Variants in CSMD1 observed in about 807,000 individuals in gnomAD.
The protein encoded by CSMD1 is CUB and sushi domain-containing protein 1.
In CSMD1, 213 loss-of-function variants were observed where a neutral mutation model predicts 417.5. The ratio of observed to expected loss-of-function variants is 0.51; its 90% CI spans 0.46 to 0.57. The LOEUF is 0.57. CSMD1 is among the 20% of genes least tolerant of loss of function. CSMD1 has a pLI of 0.00. For missense variants in CSMD1, 6,923 were observed against 4,529.7 expected (o/e 1.53, Z -15.17); for synonymous variants, 2,862 against 1,736.8 (o/e 1.65, Z -16.11).
chr8:4,241,072 G>A (rs1700110), intron 3 of CSMD1, among the ~76,000 whole-genome samples: 49,309 of 151,834 alleles, frequency 0.32, 8,661 homozygotes, highest in South Asian at 0.53. Context: ...GGATTTGATC[G>A]CTGAATTACT....
intron 2 of CSMD1, among the ~76,000 whole-genome samples, chr8:4,488,483 G>A (rs530837363): frequency 1.3e-5 from 2 of 152,170 alleles, no homozygotes; most frequent in East Asian, 3.9e-4. Context: ...TAAACTAGTG[G>A]TGACAGTAGT....
chr8:3,838,129 G>A (rs776364338), intron 5 of CSMD1, among the ~76,000 whole-genome samples: 13 of 151,996 alleles, frequency 8.6e-5, no homozygotes, highest in East Asian at 3.9e-4. Flanking sequence ...GAAAACAGCC[G>A]CAAATATCAG....
intron 1 of CSMD1, among the ~76,000 whole-genome samples, chr8:4,934,310 C>T (rs1807454587): frequency 6.6e-6 from 1 of 152,210 alleles, no homozygotes; most frequent in Admixed American, 6.5e-5. Context: ...TCCATATCAA[C>T]ATCAACCTTG....
chr8:3,489,389 C>T (rs991603022), intron 11 of CSMD1, among the ~76,000 whole-genome samples: 2 of 152,146 alleles, frequency 1.3e-5, no homozygotes, highest in Non-Finnish European at 2.9e-5. Flanking sequence ...GTAACCTGTG[C>T]CTGCCACCCA....
intron 3 of CSMD1, among the ~76,000 whole-genome samples, chr8:4,091,796 A>G (rs985752872): frequency 7.2e-5 from 11 of 152,204 alleles, no homozygotes; most frequent in Admixed American, 2.6e-4. Context: ...CAAGGTTGGT[A>G]AAATACTGGA....
chr8:3,841,258 C>T (rs1673013219), intron 5 of CSMD1, among the ~76,000 whole-genome samples: 1 of 152,188 alleles, frequency 6.6e-6, no homozygotes, highest in Non-Finnish European at 1.5e-5. Flanking sequence ...TTAAATAGTT[C>T]ATGAGCTTGA....
Position 4,263,912 on chromosome 8 carries a change from T to C in CSMD1, c.415+156041A>G, listed in dbSNP as rs1357426066. On this transcript the variant is annotated intron_variant, in intron 3 of 69. Transcript: ENST00000635120. ...AATTATAGACACAATAGTCCTGCAG[T>C]TTTCTAAATACAGTGTTTTTCTATC... 5.9e-5 allele frequency among the ~76,000 whole-genome samples: 9 copies of C among 152,264 alleles called. No individual in the cohort carries two copies. In the South Asian group the frequency reaches 1.9e-3, roughly 32 times the overall value.
rs374336769 is a variant in CSMD1, at chr8:4,623,525, G to T, written c.302+13817C>A. ...CTATTTTCCCCACAAAGACTTTTAT[G>T]CAAATAATCAAAGGAGCTTTATTTC... On this transcript the variant is annotated intron_variant, in intron 2 of 69. Coordinates refer to ENST00000635120, the MANE Select transcript of CSMD1 (RefSeq NM_033225.6). 3.2e-4 allele frequency among the ~76,000 whole-genome samples: 49 copies of T among 152,078 alleles called. 2 individuals are homozygous for T. Among genetic ancestry groups the T allele is most frequent in the African/African-American group, 9.9e-4 (41 of 41,482 alleles).
At chr8:3,580,156 C>G (rs926263671) in intron 9 of CSMD1, among the ~76,000 whole-genome samples, 6 of 152,058 alleles carry the variant, frequency 3.9e-5, no homozygotes, top group African/African-American at 9.7e-5. Flanking sequence ...CAGTGCTCAT[C>G]ATGAGTTGAA....
At chr8:4,643,051 T>C (rs1247205066) in intron 1 of CSMD1, among the ~76,000 whole-genome samples, 1 of 152,216 alleles carries the variant, frequency 6.6e-6, no homozygotes, top group Non-Finnish European at 1.5e-5. Flanking sequence ...TGGGGCCTGA[T>C]ATCATTTGAA....
intron 1 of CSMD1, among the ~76,000 whole-genome samples, chr8:4,842,015 G>A (rs186932325): frequency 1.4e-5 from 2 of 147,392 alleles, no homozygotes; most frequent in East Asian, 4.0e-4. Context: ...CTAGAAAAAA[G>A]CAATTTTTCA....
intron 56 of CSMD1, among the ~76,000 whole-genome samples, 154 bp downstream of exon 56, chr8:2,974,297 A>G (rs1474997445): frequency 6.6e-6 from 1 of 152,260 alleles, no homozygotes; most frequent in African/African-American, 2.4e-5. Context: ...TATCTATAAG[A>G]GCGGCGTATT....
intron 12 of CSMD1, among the ~76,000 whole-genome samples, chr8:3,410,276 T>A (rs1477491928): frequency 6.6e-6 from 1 of 152,194 alleles, no homozygotes. Flanking sequence ...AAAAGACTAT[T>A]TTTGAGAGCC....
At chr8:3,274,405 T>C (rs1802110822) in intron 26 of CSMD1, among the ~76,000 whole-genome samples, 2 of 152,154 alleles carry the variant, frequency 1.3e-5, no homozygotes, top group South Asian at 2.1e-4. Flanking sequence ...GTATATTCTG[T>C]TGATTTGGGG....
At position 3,808,325 on chromosome 8, in the gene CSMD1, A is replaced by T. The variant is rs183178914; in HGVS notation, c.819-54283T>A. ...ATATTAATGGGAGCCTCTCTTCTCTAAAGACAAATTTCTGGAAATGTTTGG... is the reference window on the plus strand; with the variant it reads ...ATATTAATGGGAGCCTCTCTTCTCTTAAGACAAATTTCTGGAAATGTTTGG... On this transcript the variant is annotated intron_variant, in intron 5 of 69. Transcript: ENST00000635120. Among the ~76,000 whole-genome samples the T allele has an allele frequency of 1.6e-3, 248 of 152,220 alleles. No homozygotes were observed. The East Asian group carries it at 0.018, about 11-fold the overall frequency.
Position 3,149,981 on chromosome 8 carries a change from C to A in CSMD1, c.6031+1416G>T, listed in dbSNP as rs956746906. 6.6e-5 allele frequency among the ~76,000 whole-genome samples: 10 copies of A among 152,148 alleles called. No individual in the cohort carries two copies. The South Asian group carries it at 1.9e-3, about 28-fold the overall frequency. On this transcript the variant is annotated intron_variant, in intron 40 of 69. Transcript: ENST00000635120. The stretch of plus-strand genomic sequence containing the variant: ...TGTAAACTATCCCGGGTTACACATA[C>A]CTCTGAAAGAATTCTTAACCCCTGA...
At chr8:4,807,369 T>C (rs891020057) in intron 1 of CSMD1, among the ~76,000 whole-genome samples, 4 of 152,178 alleles carry the variant, frequency 2.6e-5, no homozygotes, top group Non-Finnish European at 4.4e-5. Context: ...AGTACTCTCC[T>C]GAGCTTCCCT....
At chr8:3,687,280 C>T (rs569918468) in intron 7 of CSMD1, among the ~76,000 whole-genome samples, 1 of 152,158 alleles carries the variant, frequency 6.6e-6, no homozygotes, top group Admixed American at 6.5e-5. Flanking sequence ...CCAAAAAAGT[C>T]TGTGGTTACC....
chr8:3,307,588 A>T, intron 25 of CSMD1, 107 bp downstream of exon 25: 1 of 1,267,562 alleles, frequency 7.9e-7, no homozygotes, highest in Non-Finnish European at 1.1e-6. Context: ...TTTCTTCTTT[A>T]GTTCAGAAAC....
Sources: gnomAD v4.1 joint callset for allele counts (sites outside exome capture counted in the v4.1 genomes callset) on GRCh38, gnomAD v4.1.1 for gene constraint, MANE v1.5 for transcripts, NCBI Gene and HGNC (gene_info 2026-07-23, HGNC 2026-07-21) for gene names.